SYT1: variants seen among roughly 807,000 people sequenced by gnomAD.
SYT1 encodes synaptotagmin 1, also known as synaptotagmin-1.
In SYT1, 8 loss-of-function variants were observed where a neutral mutation model predicts 44.8. The observed-to-expected ratio is 0.18, with a 90% CI of 0.10 to 0.32. The LOEUF is 0.32. Among genes scored for constraint, SYT1 ranks in the 10% least tolerant of loss-of-function variants. SYT1 has a pLI of 1.00. For synonymous variants in SYT1, 154 were observed against 188.8 expected (o/e 0.82, Z 1.51); for missense variants, 286 against 509.3 (o/e 0.56, Z 4.22).
At chr12:78,929,922 T>C (rs1330782478) in intron 1 of SYT1, among the ~76,000 whole-genome samples, 1 of 152,122 alleles carries the variant, frequency 6.6e-6, no homozygotes, top group Admixed American at 6.6e-5. Context: ...TGTAAAATGA[T>C]GAGAACAAAA....
chr12:78,924,088 C>T (rs1877163528), intron 1 of SYT1, among the ~76,000 whole-genome samples: 1 of 151,758 alleles, frequency 6.6e-6, no homozygotes, highest in African/African-American at 2.4e-5. Context: ...TTAAGTTTGT[C>T]AAATGTTTCC....
At chr12:79,046,014 A>G (rs958390521) in intron 2 of SYT1, among the ~76,000 whole-genome samples, 1 of 152,210 alleles carries the variant, frequency 6.6e-6, no homozygotes, top group African/African-American at 2.4e-5. Flanking sequence ...AAGTGTCCGT[A>G]TACTAAAACT....
intron 3 of SYT1, among the ~76,000 whole-genome samples, chr12:79,052,977 T>A (rs1371808493): frequency 6.6e-6 from 1 of 152,112 alleles, no homozygotes; most frequent in African/African-American, 2.4e-5. Flanking sequence ...GAACTAGAAA[T>A]ACCATTTGAC....
At chr12:79,356,136 G>C (rs1883103274) in intron 9 of SYT1, among the ~76,000 whole-genome samples, 1 of 150,988 alleles carries the variant, frequency 6.6e-6, no homozygotes, top group Non-Finnish European at 1.5e-5. Flanking sequence ...ACAACCACGG[G>C]GCTTCTGGGA....
chr12:79,373,180 G>A (rs1271123059), intron 9 of SYT1, among the ~76,000 whole-genome samples: 1 of 152,084 alleles, frequency 6.6e-6, no homozygotes, highest in Non-Finnish European at 1.5e-5. Flanking sequence ...AAAATGATTG[G>A]GGGAGAGAGG....
chr12:79,375,120 A>C (rs1270866761), intron 9 of SYT1, among the ~76,000 whole-genome samples: 1 of 152,108 alleles, frequency 6.6e-6, no homozygotes, highest in Non-Finnish European at 1.5e-5. Context: ...TATTTTTTTC[A>C]ACTCTAAAAA....
intron 1 of SYT1, among the ~76,000 whole-genome samples, chr12:78,909,632 T>C (rs145662067): frequency 6.6e-6 from 1 of 152,086 alleles, no homozygotes; most frequent in East Asian, 1.9e-4. Flanking sequence ...GACAGAGACA[T>C]AGATATAGAT....
chr12:79,407,439 T>C (rs1171596512), intron 9 of SYT1, among the ~76,000 whole-genome samples: 2 of 152,074 alleles, frequency 1.3e-5, no homozygotes, highest in African/African-American at 2.4e-5. Flanking sequence ...CACAACTGAG[T>C]GATCTAGCCA....
chr12:79,128,909 A>G (rs1868620564), intron 3 of SYT1, among the ~76,000 whole-genome samples: 1 of 152,272 alleles, frequency 6.6e-6, no homozygotes, highest in Admixed American at 6.5e-5. Context: ...TGATTTCTAC[A>G]TGATTTCTAT....
intron 3 of SYT1, among the ~76,000 whole-genome samples, chr12:79,179,443 T>G (rs1428818957): frequency 3.4e-5 from 2 of 58,174 alleles, no homozygotes; most frequent in Non-Finnish European, 6.3e-5. Context: ...TATATCCATA[T>G]AGATATAGAT....
intron 3 of SYT1, among the ~76,000 whole-genome samples, chr12:79,196,231 G>T (rs1272850826): frequency 6.6e-6 from 1 of 151,796 alleles, no homozygotes; most frequent in Non-Finnish European, 1.5e-5. Context: ...GCAGTGTCAC[G>T]ATCTCGGCTC....
chr12:79,156,615 A>G (rs138274502), intron 3 of SYT1, among the ~76,000 whole-genome samples: 1 of 151,970 alleles, frequency 6.6e-6, no homozygotes, highest in Admixed American at 6.6e-5. Flanking sequence ...CTACAGGCAC[A>G]TGCCACCATG....
chr12:78,962,586 G>A (rs1879568310), intron 1 of SYT1, among the ~76,000 whole-genome samples: 2 of 151,990 alleles, frequency 1.3e-5, no homozygotes, highest in African/African-American at 4.8e-5. Flanking sequence ...TTGTGTGGTG[G>A]GGGAGAGAGA....
chr12:79,398,785 T>C (rs772542999), intron 9 of SYT1, among the ~76,000 whole-genome samples: 1 of 152,228 alleles, frequency 6.6e-6, no homozygotes, highest in Non-Finnish European at 1.5e-5. Context: ...GATTGTAATA[T>C]ATAAAATGGA....
intron 5 of SYT1, among the ~76,000 whole-genome samples, chr12:79,290,963 T>C (rs972483376): frequency 6.6e-6 from 1 of 152,218 alleles, no homozygotes; most frequent in African/African-American, 2.4e-5. Flanking sequence ...TGACTGTGTA[T>C]AGATTTCTAA....
chr12:78,888,755 C>T (rs1364806569), intron 1 of SYT1, among the ~76,000 whole-genome samples: 9 of 151,830 alleles, frequency 5.9e-5, no homozygotes, highest in Admixed American at 6.6e-5. Flanking sequence ...CATGGTTCAT[C>T]AGGAAACCAA....
chr12:79,168,349 C>T (rs936341239), intron 3 of SYT1, among the ~76,000 whole-genome samples: 3 of 151,936 alleles, frequency 2.0e-5, no homozygotes, highest in Admixed American at 1.3e-4. Context: ...GAACCAAAAC[C>T]GTGTCAGGCA....
At chr12:79,018,779 G>C (rs999801396) in intron 2 of SYT1, among the ~76,000 whole-genome samples, 2 of 151,948 alleles carry the variant, frequency 1.3e-5, no homozygotes, top group African/African-American at 4.8e-5. Context: ...GAGTTAAAGA[G>C]TTTCCTTCTA....
intron 1 of SYT1, among the ~76,000 whole-genome samples, chr12:78,972,346 T>C (rs1565742934): frequency 6.6e-6 from 1 of 152,078 alleles, no homozygotes; most frequent in Non-Finnish European, 1.5e-5. Flanking sequence ...AAACTAATCA[T>C]TTATATTTTC....
Sources: allele counts gnomAD v4.1 joint callset (sites outside exome capture counted in the v4.1 genomes callset), GRCh38; gene constraint gnomAD v4.1.1; transcripts MANE v1.5; gene names NCBI Gene and HGNC (gene_info 2026-07-23, HGNC 2026-07-21).